The following SBF2 variants were observed in gnomAD, a reference collection of about 807,000 sequenced individuals.
The protein encoded by SBF2 is SET binding factor 2.
Under a neutral mutation model 225.2 loss-of-function variants are expected in SBF2, and 112 were observed. The observed-to-expected ratio is 0.50, with a 90% CI of 0.43 to 0.58. SBF2 has a LOEUF of 0.58. SBF2 is among the 20% of genes least tolerant of loss of function. The pLI is 0.00. For missense variants in SBF2, 1,996 were observed against 2,206.2 expected (o/e 0.90, Z 1.91); for synonymous variants, 763 against 773.3 (o/e 0.99, Z 0.22).
At chr11:10,134,123 A>G (rs1565269437) in intron 2 of SBF2, among the ~76,000 whole-genome samples, 2 of 152,132 alleles carry the variant, frequency 1.3e-5, no homozygotes, top group African/African-American at 4.8e-5. Context: ...AGAAGGTGAA[A>G]GGCATATCTC....
intron 2 of SBF2, among the ~76,000 whole-genome samples, chr11:10,154,331 T>C (rs1372315002): frequency 6.6e-6 from 1 of 152,140 alleles, no homozygotes; most frequent in Non-Finnish European, 1.5e-5. Context: ...TCAACTCTTT[T>C]CTGTATTTTT....
chr11:10,070,002 G>C (rs1269153446), intron 2 of SBF2, among the ~76,000 whole-genome samples: 2 of 151,356 alleles, frequency 1.3e-5, no homozygotes, highest in East Asian at 3.9e-4. Context: ...CTTGTTGATG[G>C]GGTTGTTTTT....
At chr11:10,121,731 T>G (rs1249809654) in intron 2 of SBF2, among the ~76,000 whole-genome samples, 1 of 152,240 alleles carries the variant, frequency 6.6e-6, no homozygotes, top group Non-Finnish European at 1.5e-5. Flanking sequence ...TTACCCACAG[T>G]TTCATTTTCT....
chr11:10,191,507 G>A lies in SBF2; in HGVS notation c.141+2395C>T, dbSNP rs140441594. ...ATAGACATTAAAGAATTGAAATTGC[G>A]ATCCATTATGGAAAAAGGAAAAGGA... On this transcript the variant is annotated intron_variant, in intron 2 of 39. Coordinates refer to ENST00000256190, the MANE Select transcript of SBF2 (RefSeq NM_030962.4). Among the ~76,000 whole-genome samples, 49 of 152,226 alleles carry A rather than the reference G, an allele frequency of 3.2e-4. No individual in the cohort carries two copies. The Middle Eastern group carries it at 0.01, about 32-fold the overall frequency.
chr11:9,858,200 A>T (rs900561052), intron 18 of SBF2, 26 bp downstream of exon 18: 5 of 1,613,382 alleles, frequency 3.1e-6, no homozygotes, highest in Non-Finnish European at 4.2e-6. Flanking sequence ...ATCCCACACA[A>T]TTAGAGTTCT....
chr11:9,901,137 A>C (rs1861690415), intron 16 of SBF2, among the ~76,000 whole-genome samples: 1 of 152,196 alleles, frequency 6.6e-6, no homozygotes. Context: ...ATGATAGATA[A>C]AATATTTTAA....
chr11:9,884,972 C>T (rs116685051), intron 17 of SBF2, among the ~76,000 whole-genome samples: 8,985 of 152,128 alleles, frequency 0.059, 447 homozygotes, highest in East Asian at 0.28. Flanking sequence ...TAATTATGGC[C>T]TGGCATGGTG....
intron 2 of SBF2, among the ~76,000 whole-genome samples, chr11:10,089,320 T>C (rs932945962): frequency 6.6e-6 from 1 of 152,210 alleles, no homozygotes; most frequent in African/African-American, 2.4e-5. Flanking sequence ...ATGCAGCCCG[T>C]CATTGACTGG....
chr11:9,904,831 C>A (rs79795007), intron 16 of SBF2, among the ~76,000 whole-genome samples: 3,632 of 152,174 alleles, frequency 0.024, 59 homozygotes, highest in Non-Finnish European at 0.037. Context: ...TCAAGACCAG[C>A]CTGAGTGATA....
intron 2 of SBF2, among the ~76,000 whole-genome samples, chr11:10,155,775 G>C (rs1955445609): frequency 6.6e-6 from 1 of 152,126 alleles, no homozygotes; most frequent in African/African-American, 2.4e-5. Flanking sequence ...GTTACAAATG[G>C]GGAAAATTAC....
At chr11:10,038,044 TG>T (rs1949513313) in intron 3 of SBF2, among the ~76,000 whole-genome samples, 1 of 152,046 alleles carries the variant, frequency 6.6e-6, no homozygotes. Flanking sequence ...AAGCTTCTAT[TG>T]TTGGACACTG....
intron 13 of SBF2, among the ~76,000 whole-genome samples, chr11:9,979,641 C>T (rs1198252089): frequency 1.3e-5 from 2 of 151,988 alleles, no homozygotes; most frequent in Admixed American, 6.6e-5. Flanking sequence ...TGCAAGTTGC[C>T]AGAAAAATAA....
chr11:10,215,489 T>C (rs983543540), intron 1 of SBF2, among the ~76,000 whole-genome samples: 1 of 152,146 alleles, frequency 6.6e-6, no homozygotes, highest in African/African-American at 2.4e-5. Flanking sequence ...CATCTGGACT[T>C]CCATAAAGGA....
chr11:9,817,499 G>A (rs956790425), intron 28 of SBF2, among the ~76,000 whole-genome samples: 4 of 152,088 alleles, frequency 2.6e-5, no homozygotes, highest in East Asian at 1.9e-4. Flanking sequence ...AACTTCATAA[G>A]TCTACTAAAA....
chr11:9,942,333 A>G lies in SBF2; in HGVS notation c.1860+19624T>C, dbSNP rs192095718. ...CTCCCAAGGTGCTGGGACTACAGGC[A>G]TGAGCTACTGTGCCCAGCCCATACA... On this transcript the variant is annotated intron_variant, in intron 16 of 39. Coordinates refer to ENST00000256190, the MANE Select transcript of SBF2 (RefSeq NM_030962.4). 1.4e-3 allele frequency among the ~76,000 whole-genome samples: 206 copies of G among 152,368 alleles called. 4 individuals carry two copies. The highest frequency in any genetic ancestry group is 0.01 in the Admixed American group (158 of 15,304).
intron 1 of SBF2, among the ~76,000 whole-genome samples, chr11:10,199,777 T>C (rs1957509289): frequency 6.6e-6 from 1 of 152,068 alleles, no homozygotes; most frequent in Admixed American, 6.6e-5. Flanking sequence ...CTGGGAATGG[T>C]GGTACAAACC....
intron 2 of SBF2, among the ~76,000 whole-genome samples, chr11:10,163,782 T>C (rs1332970317): frequency 1.4e-4 from 21 of 152,130 alleles, no homozygotes; most frequent in Admixed American, 1.4e-3. Context: ...ATATAGTATA[T>C]GAAGTTTATC....
In SBF2 at chr11:9,790,577, T is replaced by C. The variant is rs766390702; in HGVS notation, c.4677A>G (p.Leu1559=). ...HKRSPIFFNY[L]YSPLEIEALK... ...CTACCTCTATTTCCAATGGTGAATA[T>C]AAATAATTAAAGAAAATGGGACTCC... The change falls in exon 34 of 40, where the codon TTA becomes TTG. Residue 1559 remains leucine (L), a synonymous_variant. Transcript: ENST00000256190. 1.3e-6 allele frequency: 2 copies of C among 1,584,072 alleles called. No homozygotes were observed. The highest frequency in any genetic ancestry group is 1.1e-5 in the South Asian group (1 of 88,502).
At chr11:9,970,934 T>C (rs1867287891) in intron 13 of SBF2, among the ~76,000 whole-genome samples, 1 of 152,242 alleles carries the variant, frequency 6.6e-6, no homozygotes, top group African/African-American at 2.4e-5. Context: ...CTGTCTGGAC[T>C]TAACACCAAT....
Sources: gnomAD v4.1 joint callset for allele counts (sites outside exome capture counted in the v4.1 genomes callset) on GRCh38, gnomAD v4.1.1 for gene constraint, MANE v1.5 for transcripts, NCBI Gene and HGNC (gene_info 2026-07-23, HGNC 2026-07-21) for gene names.